SPNS3: variants seen among roughly 807,000 people sequenced by gnomAD.
SPNS3 encodes the protein protein spinster homolog 3.
SPNS3 carries 51 observed loss-of-function variants against 54.4 expected under a neutral mutation model. The ratio of observed to expected loss-of-function variants is 0.94; its 90% CI spans 0.75 to 1.18. The LOEUF is 1.18. Ranked by LOEUF, SPNS3 falls within the 50% of genes most tolerant of loss-of-function variation. SPNS3 has a pLI of 0.00. For missense variants in SPNS3, 669 were observed against 677.4 expected (o/e 0.99, Z 0.14); for synonymous variants, 309 against 294.7 (o/e 1.05, Z -0.50).
intron 4 of SPNS3, 132 bp downstream of exon 4, chr17:4,446,331 C>T (rs767716074): frequency 2.0e-6 from 2 of 992,146 alleles, no homozygotes; most frequent in Non-Finnish European, 2.9e-6. Flanking sequence ...CTACCCCTCC[C>T]TCACCATGTG....
chr17:4,460,300 G>A (rs1359454048), intron 8 of SPNS3, among the ~76,000 whole-genome samples: 2 of 152,090 alleles, frequency 1.3e-5, no homozygotes, highest in African/African-American at 4.8e-5. Flanking sequence ...AAATTATCAT[G>A]TAGTTTTGTC....
At chr17:4,472,082 C>T (rs567356440) in intron 8 of SPNS3, among the ~76,000 whole-genome samples, 1 of 152,272 alleles carries the variant, frequency 6.6e-6, no homozygotes, top group South Asian at 2.1e-4. Flanking sequence ...TGGTCTCGAA[C>T]TCCTGACCTC....
At chr17:4,442,674 TA>T (rs1196570702) in intron 2 of SPNS3, among the ~76,000 whole-genome samples, 1 of 152,206 alleles carries the variant, frequency 6.6e-6, no homozygotes, top group Non-Finnish European at 1.5e-5. Flanking sequence ...ACTTGGCCCT[TA>T]CCACATGTCA....
At chr17:4,463,853 G>A (rs1021332795) in intron 8 of SPNS3, among the ~76,000 whole-genome samples, 7 of 152,116 alleles carry the variant, frequency 4.6e-5, no homozygotes, top group Non-Finnish European at 8.8e-5. Context: ...TGTGCATGGT[G>A]TGTATGAGTG....
chr17:4,468,278 T>G (rs879601285), intron 8 of SPNS3, among the ~76,000 whole-genome samples: 3 of 150,894 alleles, frequency 2.0e-5, no homozygotes, highest in African/African-American at 7.3e-5. Context: ...GAGAAAAAAT[T>G]AAAAAAACAA....
At chr17:4,487,339 G>T (rs915093941) in intron 11 of SPNS3, among the ~76,000 whole-genome samples, 1 of 152,188 alleles carries the variant, frequency 6.6e-6, no homozygotes, top group South Asian at 2.1e-4. Context: ...GCCCTGCCAT[G>T]GGAATGCACC....
chr17:4,448,705 T>C (rs1163441655), intron 6 of SPNS3, among the ~76,000 whole-genome samples: 2 of 152,198 alleles, frequency 1.3e-5, no homozygotes, highest in African/African-American at 2.4e-5. Flanking sequence ...ATGGCGTGCA[T>C]GATCCTCTGT....
chr17:4,449,277 C>T lies in SPNS3; in HGVS notation c.813C>T (p.Ala271=), dbSNP rs747801203. ...VWSTLGVTAM[A]FVTGALGFWA... is the part of the protein sequence containing the mutation. Reference sequence around the variant, plus strand: ...CGACCCTCGGAGTGACCGCCATGGCCTTTGTGACTGGAGCCCTGGGGTTCT... The same window carrying T: ...CGACCCTCGGAGTGACCGCCATGGCTTTTGTGACTGGAGCCCTGGGGTTCT... The change falls in exon 7 of 12, where the codon GCC becomes GCT. Residue 271 remains alanine, a synonymous_variant. Coordinates refer to ENST00000355530, the MANE Select transcript of SPNS3 (RefSeq NM_182538.5). 2.2e-5 allele frequency: 36 copies of T among 1,612,592 alleles called. No homozygotes were observed. The highest frequency in any genetic ancestry group is 2.8e-5 in the Non-Finnish European group (33 of 1,179,944).
intron 1 of SPNS3, among the ~76,000 whole-genome samples, chr17:4,435,334 A>G (rs529772436): frequency 8.1e-4 from 122 of 150,768 alleles, no homozygotes; most frequent in African/African-American, 2.9e-3. Context: ...GAGGCAGAGA[A>G]TTGCTTGAAC....
intron 8 of SPNS3, among the ~76,000 whole-genome samples, chr17:4,459,080 C>A (rs766918161): frequency 1.3e-5 from 2 of 152,094 alleles, no homozygotes; most frequent in Non-Finnish European, 2.9e-5. Flanking sequence ...TCTAGGCCTT[C>A]AAGGGCCAGC....
intron 1 of SPNS3, among the ~76,000 whole-genome samples, chr17:4,434,493 CTATT>C (rs1318982147): frequency 6.6e-6 from 1 of 151,872 alleles, no homozygotes; most frequent in Non-Finnish European, 1.5e-5. Context: ...GACTCTGTCT[CTATT>C]TATTTATTTT....
At chr17:4,468,708 C>T (rs1218708263) in intron 8 of SPNS3, among the ~76,000 whole-genome samples, 2 of 132,484 alleles carry the variant, frequency 1.5e-5, no homozygotes, top group Non-Finnish European at 3.4e-5. Context: ...TTCTTTATTT[C>T]TCTCTCTCTT....
At chr17:4,440,825 G>T (rs1043293408) in intron 2 of SPNS3, among the ~76,000 whole-genome samples, 1 of 152,190 alleles carries the variant, frequency 6.6e-6, no homozygotes, top group Non-Finnish European at 1.5e-5. Flanking sequence ...GGCTACAAGC[G>T]CAGGCAAGGA....
chr17:4,435,322 C>G (rs1360592620), intron 1 of SPNS3, among the ~76,000 whole-genome samples: 1 of 151,184 alleles, frequency 6.6e-6, no homozygotes, highest in Non-Finnish European at 1.5e-5. Flanking sequence ...ACTGGGGAGG[C>G]TGAGGCAGAG....
intron 8 of SPNS3, among the ~76,000 whole-genome samples, chr17:4,457,989 C>A (rs1226099682): frequency 6.6e-6 from 1 of 152,110 alleles, no homozygotes; most frequent in African/African-American, 2.4e-5. Flanking sequence ...AGAACTCTAA[C>A]CCTCAGAGGT....
chr17:4,434,213 C>T (rs564554128), intron 1 of SPNS3, 47 bp downstream of exon 1: 3 of 1,523,354 alleles, frequency 2.0e-6, no homozygotes, highest in South Asian at 2.4e-5. Context: ...GCTGTGCCCA[C>T]CAGCCAGGGG....
chr17:4,462,845 GCACC>G (rs1190260361), intron 8 of SPNS3, among the ~76,000 whole-genome samples: 5 of 17,042 alleles, frequency 2.9e-4, no homozygotes, highest in Non-Finnish European at 4.1e-4. Flanking sequence ...ATTCAACCAC[GCACC>G]CACCCACCCA....
rs202030500 is a variant in SPNS3, at chr17:4,449,256, C to A, written c.792C>A (p.Thr264=). Residue 264 remains threonine, a synonymous_variant, in exon 7 of 12, where the codon ACC becomes ACA. Transcript: ENST00000355530. ...GCAGCTGGAGTTTCGTGTGGTCGAC[C>A]CTCGGAGTGACCGCCATGGCCTTTG... ...LGKNWSFVWS[T]LGVTAMAFVT... 1.3e-5 allele frequency: 21 copies of A among 1,611,714 alleles called. No individual in the cohort carries two copies. The highest frequency in any genetic ancestry group is 1.7e-5 in the Admixed American group (1 of 59,698).
intron 7 of SPNS3, 73 bp from the exon 8 acceptor site, chr17:4,452,943 G>T (rs1167692300): frequency 2.1e-6 from 3 of 1,451,286 alleles, no homozygotes; most frequent in African/African-American, 2.8e-5. Context: ...TAGACCTGGG[G>T]CTGGGAGCAG....
Sources: allele counts gnomAD v4.1 joint callset (sites outside exome capture counted in the v4.1 genomes callset), GRCh38; gene constraint gnomAD v4.1.1; transcripts MANE v1.5; gene names NCBI Gene and HGNC (gene_info 2026-07-23, HGNC 2026-07-21).